The following PCDH7 variants were observed in gnomAD, a reference collection of about 807,000 sequenced individuals.
The protein encoded by PCDH7 is protocadherin-7.
A neutral mutation model predicts 58.9 loss-of-function variants in PCDH7; 17 were observed. The observed-to-expected ratio is 0.29, with a 90% confidence interval of 0.20 to 0.43. PCDH7 has a LOEUF of 0.43. PCDH7 is among the 20% of genes least tolerant of loss of function. PCDH7 has a pLI of 1.00. For missense variants in PCDH7, 1,274 were observed against 1,441.0 expected (o/e 0.88, Z 1.88); for synonymous variants, 664 against 616.4 (o/e 1.08, Z -1.14).
At chr4:30,971,644 A>G (rs1215585734) in intron 3 of PCDH7, among the ~76,000 whole-genome samples, 2 of 152,238 alleles carry the variant, frequency 1.3e-5, no homozygotes, top group Non-Finnish European at 2.9e-5. Flanking sequence ...ACACTTTGAC[A>G]AGGATGCACA....
intron 1 of PCDH7, among the ~76,000 whole-genome samples, chr4:30,819,362 G>C (rs1728074769): frequency 6.6e-6 from 1 of 152,088 alleles, no homozygotes; most frequent in Non-Finnish European, 1.5e-5. Flanking sequence ...GATAGACTCT[G>C]ATTTAAATAT....
intron 1 of PCDH7, among the ~76,000 whole-genome samples, chr4:30,756,058 A>G (rs1275460716): frequency 1.3e-5 from 2 of 152,130 alleles, no homozygotes; most frequent in Admixed American, 1.3e-4. Flanking sequence ...CAGCCTGGTG[A>G]CAGAGTGAGA....
chr4:31,022,471 A>T (rs1386862273), intron 3 of PCDH7, among the ~76,000 whole-genome samples: 1 of 152,198 alleles, frequency 6.6e-6, no homozygotes, highest in East Asian at 1.9e-4. Context: ...GCTTGGTGGG[A>T]AAGTAAAATA....
intron 1 of PCDH7, among the ~76,000 whole-genome samples, chr4:30,918,423 T>G (rs2109412943): frequency 6.6e-6 from 1 of 152,220 alleles, no homozygotes; most frequent in Admixed American, 6.5e-5. Context: ...TTTTTTTAAA[T>G]ACAGGGTATT....
intron 1 of PCDH7, chr4:30,724,877 C>T (rs1291642640): frequency 2.1e-5 from 25 of 1,215,364 alleles, no homozygotes; most frequent in Non-Finnish European, 2.4e-5. Context: ...ATCCCTAATT[C>T]ATACTACATT....
chr4:30,733,249 C>G (rs2109240068), downstream of PCDH7, among the ~76,000 whole-genome samples: 1 of 152,234 alleles, frequency 6.6e-6, no homozygotes, highest in East Asian at 1.9e-4. Flanking sequence ...AATTAATTCT[C>G]CATTTCAAAA....
At position 30,723,005 on chromosome 4, in the gene PCDH7, C is replaced by A; in HGVS notation, c.1583C>A (p.Thr528Asn). The A allele has an allele frequency of 6.2e-7, 1 of 1,613,860 alleles. No homozygotes were observed. The highest frequency in any genetic ancestry group is 8.5e-7 in the Non-Finnish European group (1 of 1,180,046). ...TCCCTGATTGTCAAGGTGGGAGACA[C>A]CAACGACAACCCGCCCATGTTCGGC... is the stretch of plus-strand genomic sequence containing the variant. Residue 528 changes from threonine (T) to asparagine (N), a missense_variant, in exon 1 of 2, where the codon ACC becomes AAC. By Grantham distance (65) the Thr-to-Asn change is moderately conservative (BLOSUM62 0). This residue lies in a region of PCDH7 where 731 missense variants were observed against 881.9 expected (regional missense o/e 0.83). Transcript: ENST00000361762. This position sits in a 1 kb window ranked among gnomAD's most constrained non-coding sequence, Gnocchi z 4.6.
intron 3 of PCDH7, among the ~76,000 whole-genome samples, chr4:31,106,302 C>T (rs1364098340): frequency 6.6e-6 from 1 of 152,004 alleles, no homozygotes; most frequent in East Asian, 1.9e-4. Flanking sequence ...AAATGGTCAG[C>T]CTTTATATAA....
chr4:31,011,248 C>T (rs1753165665), intron 3 of PCDH7, among the ~76,000 whole-genome samples: 1 of 151,938 alleles, frequency 6.6e-6, no homozygotes, highest in African/African-American at 2.4e-5. Flanking sequence ...ATACATTAAG[C>T]TATTTTATAA....
intron 1 of PCDH7, among the ~76,000 whole-genome samples, chr4:30,873,586 A>G (rs1301547429): frequency 1.3e-5 from 2 of 151,976 alleles, no homozygotes; most frequent in African/African-American, 4.8e-5. Flanking sequence ...TCTTAAATTA[A>G]GAGGGAGTGT....
chr4:30,756,037 C>T (rs563803166), intron 1 of PCDH7, among the ~76,000 whole-genome samples: 1 of 152,216 alleles, frequency 6.6e-6, no homozygotes, highest in South Asian at 2.1e-4. Flanking sequence ...CGATATCGCA[C>T]CACTGCACTC....
chr4:31,068,739 G>C (rs904416452), intron 3 of PCDH7, among the ~76,000 whole-genome samples: 1 of 151,910 alleles, frequency 6.6e-6, no homozygotes, highest in Non-Finnish European at 1.5e-5. Context: ...TATAAGAAAG[G>C]AGGCTGTGTC....
intron 1 of PCDH7, among the ~76,000 whole-genome samples, chr4:30,753,351 C>T (rs368175788): frequency 2.0e-5 from 3 of 152,148 alleles, no homozygotes; most frequent in South Asian, 4.1e-4. Flanking sequence ...TATACATGGT[C>T]GTGGTAAGCT....
chr4:31,057,574 A>G (rs528734125), intron 3 of PCDH7, among the ~76,000 whole-genome samples: 10 of 152,294 alleles, frequency 6.6e-5, no homozygotes, highest in African/African-American at 2.4e-4. Flanking sequence ...GAATTCAACT[A>G]CCAAAGTAAC....
chr4:31,094,844 C>A (rs1713745336), intron 3 of PCDH7, among the ~76,000 whole-genome samples: 1 of 150,398 alleles, frequency 6.6e-6, no homozygotes, highest in Non-Finnish European at 1.5e-5. Flanking sequence ...GTATTACCAA[C>A]AACATGATGC....
intron 3 of PCDH7, among the ~76,000 whole-genome samples, chr4:31,131,010 G>A (rs1487169527): frequency 6.6e-6 from 1 of 152,092 alleles, no homozygotes; most frequent in Non-Finnish European, 1.5e-5. Flanking sequence ...CCACAGATTA[G>A]GATGCATACA....
At chr4:31,125,841 T>G (rs1002361224) in intron 3 of PCDH7, among the ~76,000 whole-genome samples, 1 of 152,208 alleles carries the variant, frequency 6.6e-6, no homozygotes, top group African/African-American at 2.4e-5. Flanking sequence ...ATTTTTAACT[T>G]AATGATATTT....
chr4:30,922,202 TA>T (rs1257850842), intron 2 of PCDH7, among the ~76,000 whole-genome samples: 1 of 151,652 alleles, frequency 6.6e-6, no homozygotes, highest in Non-Finnish European at 1.5e-5. Context: ...GTAATTACAG[TA>T]TTTTTAATAT....
At chr4:30,784,123 A>G (rs2109292095) in intron 1 of PCDH7, among the ~76,000 whole-genome samples, 1 of 152,318 alleles carries the variant, frequency 6.6e-6, no homozygotes, top group East Asian at 1.9e-4. Flanking sequence ...CTGTGATCTG[A>G]AAATTGCTTC....
Sources: gnomAD v4.1 joint callset for allele counts (sites outside exome capture counted in the v4.1 genomes callset) on GRCh38, gnomAD v4.1.1 for gene constraint, gnomAD v4.1.1 regional missense constraint, Gnocchi (gnomAD v3.1) non-coding constraint, MANE v1.5 for transcripts, NCBI Gene and HGNC (gene_info 2026-07-23, HGNC 2026-07-21) for gene names.